ANKAR: variants seen among roughly 807,000 people sequenced by gnomAD.
ANKAR encodes the protein ankyrin and armadillo repeat-containing protein.
A neutral mutation model predicts 146.2 loss-of-function variants in ANKAR; 136 were observed. That is an observed-to-expected ratio of 0.93 (90% CI 0.81 to 1.07). The LOEUF (loss-of-function observed/expected upper bound fraction) is 1.07, where lower values mean the gene tolerates loss of function less well. ANKAR is among the 50% of genes least tolerant of loss of function. The pLI, the probability that ANKAR is intolerant of heterozygous loss-of-function variation, is 0.00. For missense variants in ANKAR, 1,567 were observed against 1,679.9 expected, an observed-to-expected ratio of 0.93 and a Z score of 1.18; for synonymous variants, 500 against 575.8, an observed-to-expected ratio of 0.87 and a Z score of 1.88.
At chr2:189,685,095 T>C (rs921301474) in intron 2 of ANKAR, among the ~76,000 whole-genome samples, 3 of 152,136 alleles carry the variant, frequency 2.0e-5, no homozygotes, top group Non-Finnish European at 4.4e-5. Context: ...AGCCTCAGAC[T>C]CCTGGGCTCA....
chr2:189,689,351 T>C (rs188301602), intron 2 of ANKAR, among the ~76,000 whole-genome samples, 176 bp from the exon 3 acceptor site: 1 of 152,330 alleles, frequency 6.6e-6, no homozygotes, highest in East Asian at 1.9e-4. Context: ...ACGGGTCTGT[T>C]CAGTCAGTTG....
rs757850902 is a variant in ANKAR, at chr2:189,676,723, T to A, written c.233T>A (p.Val78Glu). 6.2e-7 allele frequency: 1 copy of A among 1,614,094 alleles called. No individual in the cohort carries two copies. The highest frequency in any genetic ancestry group is 8.5e-7 in the Non-Finnish European group (1 of 1,180,058). Reference protein sequence around the residue: ...PCGIMSQMNNVGFSTAILLTP... With the variant: ...PCGIMSQMNNEGFSTAILLTP... ...GGAATTATGAGTCAAATGAATAACGTAGGCTTCTCCACTGCAATCCTACTG... is the reference window on the plus strand; with the variant it reads ...GGAATTATGAGTCAAATGAATAACGAAGGCTTCTCCACTGCAATCCTACTG... The change falls in exon 2 of 23, where the codon GTA becomes GAA. Residue 78 changes from valine to glutamate, a missense_variant. Val to Glu is a moderately radical substitution (Grantham distance 121). Transcript: ENST00000684021.
chr2:189,705,112 G>GA lies in ANKAR; in HGVS notation c.1804dup (p.Arg602LysfsTer13), dbSNP rs753688897. On this transcript the variant is annotated frameshift_variant, in exon 8 of 23. Transcript: ENST00000684021. LOFTEE classifies it high-confidence loss of function. ...TTCCAAAGCTGATTACACGCTTTCT[G>GA]AAAAAAGAGGCTGGATGCCGATTCA... 3.7e-6 allele frequency: 6 copies of GA among 1,613,948 alleles called. No individual in the cohort carries two copies. Among genetic ancestry groups the GA allele is most frequent in the Non-Finnish European group, 5.1e-6 (6 of 1,180,002 alleles).
intron 12 of ANKAR, among the ~76,000 whole-genome samples, chr2:189,725,709 A>C (rs964035220): frequency 2.0e-5 from 3 of 152,094 alleles, no homozygotes; most frequent in Admixed American, 2.0e-4. Flanking sequence ...TGAGTTCAAC[A>C]CCAGCCTGGG....
At chr2:189,705,412 C>T (rs1183299605) in intron 8 of ANKAR, among the ~76,000 whole-genome samples, 188 bp downstream of exon 8, 1 of 152,248 alleles carries the variant, frequency 6.6e-6, no homozygotes, top group African/African-American at 2.4e-5. Context: ...ATCCTTTCTA[C>T]TCACTGTCTC....
At chr2:189,705,961 G>T (rs986350422) in intron 8 of ANKAR, among the ~76,000 whole-genome samples, 1 of 151,570 alleles carries the variant, frequency 6.6e-6, no homozygotes, top group Non-Finnish European at 1.5e-5. Context: ...TTATTCAGTG[G>T]TCTAGGGCTA....
chr2:189,735,431 C>T (rs1189636925), intron 17 of ANKAR, among the ~76,000 whole-genome samples: 1 of 152,204 alleles, frequency 6.6e-6, no homozygotes, highest in Non-Finnish European at 1.5e-5. Flanking sequence ...CCTCAAACTA[C>T]CTGCCCTGCA....
downstream of ANKAR, chr2:189,746,713 C>A (rs2044212690): frequency 1.5e-6 from 2 of 1,325,014 alleles, no homozygotes; most frequent in Non-Finnish European, 2.0e-6. Flanking sequence ...AATAACATAA[C>A]TGAATAATCT....
Position 189,744,755 on chromosome 2 carries a change from G to T in ANKAR, c.4024G>T (p.Gly1342Ter). Residue 1342 changes from glycine (G) to a stop codon, truncating the protein, a stop_gained, in exon 22 of 23, where the codon GGA (glycine) becomes TGA (stop). Coordinates refer to ENST00000684021, the MANE Select transcript of ANKAR (RefSeq NM_001378068.1). LOFTEE classifies it high-confidence loss of function. ...GLPSLSLEKN[G>*]GPSIIPIFKR... ...TTTTCCTTTTAGTCTGGAGAAGAAT[G>T]GAGGACCATCCATAATTCCTATCTT... is the stretch of plus-strand genomic sequence containing the variant. 6.3e-7 allele frequency: 1 copy of T among 1,596,018 alleles called. No individual in the cohort carries two copies.
intron 17 of ANKAR, among the ~76,000 whole-genome samples, chr2:189,735,073 C>G (rs2042727664): frequency 6.6e-6 from 1 of 151,020 alleles, no homozygotes; most frequent in Admixed American, 6.6e-5. Flanking sequence ...AAATGAATGT[C>G]TACCTGACTC....
chr2:189,683,613 G>A (rs554359566), intron 2 of ANKAR, among the ~76,000 whole-genome samples: 18 of 152,308 alleles, frequency 1.2e-4, no homozygotes, highest in East Asian at 3.9e-4. Context: ...TTGAGGGAGT[G>A]TACCACCTCT....
intron 22 of ANKAR, 55 bp from the exon 23 acceptor site, chr2:189,746,325 A>G: frequency 6.6e-7 from 1 of 1,505,236 alleles, no homozygotes; most frequent in Non-Finnish European, 8.9e-7. Context: ...AGTAGAAGTA[A>G]TGAGACTATA....
intron 9 of ANKAR, among the ~76,000 whole-genome samples, chr2:189,710,496 C>G (rs1448982161): frequency 1.3e-5 from 2 of 152,160 alleles, no homozygotes; most frequent in Non-Finnish European, 1.5e-5. Context: ...CTAAGTCATT[C>G]AGACCAAAGA....
chr2:189,707,908 G>C (rs1406242269), intron 9 of ANKAR, among the ~76,000 whole-genome samples: 4 of 152,204 alleles, frequency 2.6e-5, no homozygotes, highest in Admixed American at 6.5e-5. Flanking sequence ...AGAACCCCTT[G>C]GACTCATACC....
chr2:189,756,153 T>G (rs1000591391), intron 18 of ANKAR, among the ~76,000 whole-genome samples: 8 of 152,202 alleles, frequency 5.3e-5, no homozygotes, highest in Non-Finnish European at 1.2e-4. Context: ...ACGAGTTTAT[T>G]TTAAAACACA....
chr2:189,680,940 T>C (rs1559052479), intron 2 of ANKAR, among the ~76,000 whole-genome samples: 1 of 152,220 alleles, frequency 6.6e-6, no homozygotes, highest in Non-Finnish European at 1.5e-5. Context: ...TTTGTGAAGA[T>C]CTGAGGTCCA....
chr2:189,719,690 A>C lies in ANKAR; in HGVS notation c.2343A>C (p.Glu781Asp). The change falls in exon 11 of 23, where the codon GAA becomes GAC. Residue 781 changes from glutamate to aspartate, a missense_variant. Transcript: ENST00000684021. ...AAAGTGCAGTGCATGCTTTGGTAGA[A>C]GCGGGAGGCATTCCATCTCTAATCA... ...THKSAVHALV[E>D]AGGIPSLINL... is the part of the protein sequence containing the mutation. 6.2e-7 allele frequency: 1 copy of C among 1,614,194 alleles called. No homozygotes were observed. The highest frequency in any genetic ancestry group is 8.5e-7 in the Non-Finnish European group (1 of 1,180,040).
chr2:189,759,842 A>G lies in ANKAR; in HGVS notation c.*585-1256A>G, dbSNP rs373354416. On this transcript the variant is annotated intron_variant and NMD_transcript_variant, in intron 18 of 18. Transcript: ENST00000441800. ...GCAGGGCCATAGGACAATAGTGGAG[A>G]GAAGGTCAGCAGATAAACATGTGAA... 2.6e-4 allele frequency among the ~76,000 whole-genome samples: 40 copies of G among 152,038 alleles called. No individual in the cohort carries two copies. In the East Asian group the frequency reaches 7.0e-3, roughly 26 times the overall value.
At chr2:189,759,688 T>C (rs1210728504) in intron 18 of ANKAR, among the ~76,000 whole-genome samples, 2 of 152,248 alleles carry the variant, frequency 1.3e-5, no homozygotes, top group African/African-American at 4.8e-5. Flanking sequence ...TTTTTCACTA[T>C]TCAGATGTTG....
Sources: gnomAD v4.1 joint callset for allele counts (sites outside exome capture counted in the v4.1 genomes callset) on GRCh38, gnomAD v4.1.1 for gene constraint, MANE v1.5 for transcripts, NCBI Gene and HGNC (gene_info 2026-07-23, HGNC 2026-07-21) for gene names.